The following PGCKA1 variants were observed in gnomAD, a reference collection of about 807,000 sequenced individuals.
The protein encoded by PGCKA1 is PDCD10 and GCKIII kinases-associated protein 1.
At chr4:37,550,240 C>T in the PGCKA1 span, among the ~76,000 whole-genome samples, 1 of 152,002 alleles carries the variant, frequency 6.6e-6, no homozygotes, top group Non-Finnish European at 1.5e-5. Context: ...AAAGTAATAG[C>T]TAGAACAGAA....
the PGCKA1 span, among the ~76,000 whole-genome samples, chr4:37,519,142 G>A: frequency 6.6e-6 from 1 of 152,084 alleles, no homozygotes; most frequent in Non-Finnish European, 1.5e-5. Flanking sequence ...TTGTTTTTAT[G>A]CCAGTGTCAT....
chr4:37,551,146 C>G, the PGCKA1 span, among the ~76,000 whole-genome samples: 1 of 152,096 alleles, frequency 6.6e-6, no homozygotes, highest in Non-Finnish European at 1.5e-5. Flanking sequence ...GTGGGTTATA[C>G]TGGATATGTG....
At chr4:37,469,822 C>G in the PGCKA1 span, among the ~76,000 whole-genome samples, 1 of 152,176 alleles carries the variant, frequency 6.6e-6, no homozygotes, top group Non-Finnish European at 1.5e-5. Context: ...TTGAGTCAGT[C>G]TGCTCTGAAA....
chr4:37,477,438 C>A, the PGCKA1 span, among the ~76,000 whole-genome samples: 1 of 152,088 alleles, frequency 6.6e-6, no homozygotes, highest in Non-Finnish European at 1.5e-5. Context: ...TATGGGATAT[C>A]TTTTGGCAGT....
the PGCKA1 span, chr4:37,453,924 C>T: frequency 2.0e-5 from 3 of 152,516 alleles, no homozygotes; most frequent in South Asian, 5.5e-4. Flanking sequence ...GCTGCGAGCT[C>T]GGCGGGCTCA....
chr4:37,527,216 C>T, the PGCKA1 span, among the ~76,000 whole-genome samples: 2 of 152,052 alleles, frequency 1.3e-5, no homozygotes, highest in African/African-American at 4.8e-5. Flanking sequence ...ACGAAAGAGT[C>T]AAAACGTTTT....
At chr4:37,473,970 G>T in the PGCKA1 span, among the ~76,000 whole-genome samples, 2 of 152,140 alleles carry the variant, frequency 1.3e-5, no homozygotes, top group African/African-American at 2.4e-5. Flanking sequence ...GCCCACTGAT[G>T]TGCTCTCCTT....
chr4:37,528,393 C>A, the PGCKA1 span, among the ~76,000 whole-genome samples: 1 of 152,152 alleles, frequency 6.6e-6, no homozygotes, highest in African/African-American at 2.4e-5. Flanking sequence ...GCATCTCACC[C>A]AAGAAGGCCC....
the PGCKA1 span, chr4:37,588,258 T>C: frequency 6.6e-6 from 1 of 152,410 alleles, no homozygotes; most frequent in Non-Finnish European, 1.5e-5. Context: ...ATAGCTGAGA[T>C]TGGCCCAGCG....
the PGCKA1 span, among the ~76,000 whole-genome samples, chr4:37,559,422 C>T: frequency 4.1e-5 from 5 of 122,438 alleles, no homozygotes; most frequent in Non-Finnish European, 7.9e-5. Flanking sequence ...GGAAGGGGAA[C>T]ATCACACTCT....
At chr4:37,488,672 T>G in the PGCKA1 span, among the ~76,000 whole-genome samples, 1 of 152,166 alleles carries the variant, frequency 6.6e-6, no homozygotes, top group African/African-American at 2.4e-5. Context: ...AGCATCAGTC[T>G]ACCTTATTCC....
chr4:37,571,629 C>G, the PGCKA1 span, among the ~76,000 whole-genome samples: 1 of 152,008 alleles, frequency 6.6e-6, no homozygotes, highest in East Asian at 1.9e-4. Flanking sequence ...GCTCCACCTC[C>G]CAGGTTCACA....
the PGCKA1 span, among the ~76,000 whole-genome samples, chr4:37,456,483 T>C: frequency 6.6e-6 from 1 of 152,236 alleles, no homozygotes; most frequent in Non-Finnish European, 1.5e-5. Flanking sequence ...GACTCAGTGT[T>C]GTCAGGCATT....
chr4:37,475,731 A>T, the PGCKA1 span, among the ~76,000 whole-genome samples: 1 of 152,082 alleles, frequency 6.6e-6, no homozygotes, highest in African/African-American at 2.4e-5. Flanking sequence ...AAGATGTAAG[A>T]ATTATATATG....
the PGCKA1 span, among the ~76,000 whole-genome samples, chr4:37,476,735 ATGTT>A: frequency 6.6e-6 from 1 of 152,222 alleles, no homozygotes; most frequent in African/African-American, 2.4e-5. Flanking sequence ...GAAATTTTGT[ATGTT>A]AACCTCTATG....
the PGCKA1 span, among the ~76,000 whole-genome samples, chr4:37,525,762 T>TTTG: frequency 4.6e-5 from 7 of 152,222 alleles, no homozygotes; most frequent in African/African-American, 1.7e-4. Flanking sequence ...GACTATTCCC[T>TTTG]GTTCATACAG....
the PGCKA1 span, among the ~76,000 whole-genome samples, chr4:37,486,668 T>G: frequency 6.6e-6 from 1 of 152,222 alleles, no homozygotes; most frequent in Non-Finnish European, 1.5e-5. Flanking sequence ...GAATAAGCTT[T>G]CTTTCCATAT....
At chr4:37,472,976 G>A in the PGCKA1 span, among the ~76,000 whole-genome samples, 1 of 152,188 alleles carries the variant, frequency 6.6e-6, no homozygotes, top group African/African-American at 2.4e-5. Flanking sequence ...AAGGTAATCT[G>A]TGGAAGGTTA....
At chr4:37,508,681 A>ATTTTTTTTTTTTTTTTTTTTTT in the PGCKA1 span, among the ~76,000 whole-genome samples, 2 of 45,452 alleles carry the variant, frequency 4.4e-5, no homozygotes, top group Admixed American at 4.8e-4. Context: ...TTTTTGCTGA[A>ATTTTTTTTTTTTTTTTTTTTTT]TCTTTTTTTT....
Sources: gnomAD v4.1 joint callset for allele counts (sites outside exome capture counted in the v4.1 genomes callset) on GRCh38, gnomAD v4.1.1 for gene constraint, MANE v1.5 for transcripts, NCBI Gene and HGNC (gene_info 2026-07-23, HGNC 2026-07-21) for gene names.